Variants in CCDC85A observed in about 807,000 individuals in gnomAD.
The protein encoded by CCDC85A is coiled-coil domain containing 85A.
CCDC85A carries 38 observed loss-of-function variants against 50.2 expected under a neutral mutation model. The observed-to-expected ratio is 0.76, with a 90% CI of 0.58 to 0.99. CCDC85A has a LOEUF of 0.99. Ranked by LOEUF, CCDC85A falls within the 50% of genes least tolerant of loss-of-function variation. The pLI is 0.00. For missense variants in CCDC85A, 820 were observed against 742.0 expected (o/e 1.11, Z -1.22); for synonymous variants, 366 against 301.4 (o/e 1.21, Z -2.22).
chr2:56,267,085 G>A (rs1670483052), intron 2 of CCDC85A, among the ~76,000 whole-genome samples: 2 of 151,986 alleles, frequency 1.3e-5, no homozygotes, highest in East Asian at 3.9e-4. Flanking sequence ...TGTAATTATG[G>A]ACAATGAAAT....
chr2:56,301,141 A>G lies in CCDC85A; in HGVS notation c.1241-41738A>G, dbSNP rs559587271. On this transcript the variant is annotated intron_variant, in intron 2 of 5. Transcript: ENST00000407595. Reference sequence around the variant, plus strand: ...TTTTGGATGCTTTTTTTCTTGAAATAATAAGAATTTTTCCCTAAAATCTTT... The same window carrying G: ...TTTTGGATGCTTTTTTTCTTGAAATGATAAGAATTTTTCCCTAAAATCTTT... Among the ~76,000 whole-genome samples, 7 of 152,324 alleles carry G rather than the reference A, an allele frequency of 4.6e-5. No individual in the cohort carries two copies. In the South Asian group the frequency reaches 1.4e-3, roughly 32 times the overall value.
At chr2:56,295,621 C>A (rs947338715) in intron 2 of CCDC85A, among the ~76,000 whole-genome samples, 5 of 152,172 alleles carry the variant, frequency 3.3e-5, no homozygotes, top group South Asian at 2.1e-4. Context: ...AAAGAAATGG[C>A]CCCTCTGTCT....
At chr2:56,293,052 T>C (rs1470907761) in intron 2 of CCDC85A, among the ~76,000 whole-genome samples, 1 of 152,178 alleles carries the variant, frequency 6.6e-6, no homozygotes, top group Non-Finnish European at 1.5e-5. Context: ...TGGACCAGGC[T>C]ACCCCCAGCT....
intron 2 of CCDC85A, among the ~76,000 whole-genome samples, chr2:56,246,749 A>T (rs1405576619): frequency 6.6e-6 from 1 of 152,288 alleles, no homozygotes; most frequent in Non-Finnish European, 1.5e-5. Context: ...TTAGGTTTGA[A>T]CATCTTATTT....
intron 2 of CCDC85A, among the ~76,000 whole-genome samples, chr2:56,336,917 G>C (rs1254316475): frequency 2.0e-5 from 3 of 152,212 alleles, no homozygotes; most frequent in Non-Finnish European, 4.4e-5. Context: ...ATTTATCTAT[G>C]TATGTTACTT....
At chr2:56,260,732 C>T (rs1670182546) in intron 2 of CCDC85A, among the ~76,000 whole-genome samples, 1 of 152,278 alleles carries the variant, frequency 6.6e-6, no homozygotes, top group African/African-American at 2.4e-5. Context: ...ATGGTACATA[C>T]ATGTTCAGAC....
At chr2:56,344,416 A>C (rs1460001721) in intron 3 of CCDC85A, among the ~76,000 whole-genome samples, 1 of 152,172 alleles carries the variant, frequency 6.6e-6, no homozygotes, top group East Asian at 1.9e-4. Flanking sequence ...AGATTTCCTC[A>C]CACTACTCAA....
At chr2:56,203,710 G>C (rs976972453) in intron 2 of CCDC85A, among the ~76,000 whole-genome samples, 10 of 152,132 alleles carry the variant, frequency 6.6e-5, no homozygotes, top group African/African-American at 2.2e-4. Flanking sequence ...AAGGTAATAT[G>C]TGGTTACCTT....
At chr2:56,208,871 T>C (rs1201799663) in intron 2 of CCDC85A, among the ~76,000 whole-genome samples, 1 of 152,080 alleles carries the variant, frequency 6.6e-6, no homozygotes, top group Non-Finnish European at 1.5e-5. Flanking sequence ...AAATACCATA[T>C]AAAACAAAAT....
At chr2:56,271,322 G>A (rs1670687257) in intron 2 of CCDC85A, among the ~76,000 whole-genome samples, 2 of 152,258 alleles carry the variant, frequency 1.3e-5, no homozygotes, top group South Asian at 2.1e-4. Context: ...AGGTGAGTGT[G>A]GAATTGGATC....
intron 2 of CCDC85A, among the ~76,000 whole-genome samples, chr2:56,243,458 A>G (rs1211397621): frequency 6.6e-6 from 1 of 152,076 alleles, no homozygotes; most frequent in Non-Finnish European, 1.5e-5. Context: ...GCATTTTTCA[A>G]TTCCAGAATT....
At chr2:56,201,079 CACACACACA>C (rs1299072273) in intron 2 of CCDC85A, among the ~76,000 whole-genome samples, 4,453 of 137,894 alleles carry the variant, frequency 0.032, 133 homozygotes, top group African/African-American at 0.058. Context: ...TCTCTCTCCA[CACACACACA>C]CACACACACA....
At chr2:56,262,133 A>G (rs1349397560) in intron 2 of CCDC85A, among the ~76,000 whole-genome samples, 3 of 152,130 alleles carry the variant, frequency 2.0e-5, no homozygotes. Flanking sequence ...TGTTGAGGAA[A>G]TTTGAGAGGT....
chr2:56,251,808 G>T (rs1334616383), intron 2 of CCDC85A, among the ~76,000 whole-genome samples: 1 of 152,036 alleles, frequency 6.6e-6, no homozygotes, highest in Admixed American at 6.6e-5. Flanking sequence ...ACTACTCCAG[G>T]ATGGGCACTG....
chr2:56,265,646 A>T (rs1670406997), intron 2 of CCDC85A, among the ~76,000 whole-genome samples: 1 of 152,172 alleles, frequency 6.6e-6, no homozygotes, highest in Admixed American at 6.5e-5. Flanking sequence ...TGAAAAATAA[A>T]AGTGTTGGTG....
intron 3 of CCDC85A, 84 bp from the exon 4 acceptor site, chr2:56,372,260 T>C: frequency 7.3e-7 from 1 of 1,365,466 alleles, no homozygotes; most frequent in Non-Finnish European, 9.7e-7. Context: ...TTCATCTCAT[T>C]AAGCTTCATG....
intron 2 of CCDC85A, among the ~76,000 whole-genome samples, chr2:56,291,152 A>G (rs1447788024): frequency 6.6e-6 from 1 of 152,240 alleles, no homozygotes; most frequent in African/African-American, 2.4e-5. Context: ...GCAAATTTTG[A>G]GGAGTACACG....
intron 2 of CCDC85A, among the ~76,000 whole-genome samples, chr2:56,210,888 T>A (rs1382457762): frequency 6.6e-6 from 1 of 152,032 alleles, no homozygotes; most frequent in Non-Finnish European, 1.5e-5. Flanking sequence ...CATAAGCCGA[T>A]CAAGATGCAA....
At chr2:56,315,390 A>C (rs1008912168) in intron 2 of CCDC85A, among the ~76,000 whole-genome samples, 4 of 152,144 alleles carry the variant, frequency 2.6e-5, no homozygotes, top group African/African-American at 9.7e-5. Flanking sequence ...AATAAAAGTG[A>C]CTTTTTTAGT....
Sources: gnomAD v4.1 joint callset for allele counts (sites outside exome capture counted in the v4.1 genomes callset) on GRCh38, gnomAD v4.1.1 for gene constraint, MANE v1.5 for transcripts, NCBI Gene and HGNC (gene_info 2026-07-23, HGNC 2026-07-21) for gene names.